Variants in ARLN observed in about 807,000 individuals in gnomAD.
ARLN encodes allregulin.
the ARLN span, chr4:119,300,750 C>T: frequency 4.7e-6 from 7 of 1,499,810 alleles, no homozygotes; most frequent in Non-Finnish European, 6.2e-6. Flanking sequence ...TGAAGCGCGG[C>T]CTCCGCCTTG....
At chr4:119,296,518 C>T in the ARLN span, 16 of 152,178 alleles carry the variant, frequency 1.1e-4, no homozygotes, top group East Asian at 2.9e-3. Context: ...CCAGGAAAGC[C>T]AATGGTGTAG....
At chr4:119,300,734 C>G in the ARLN span, 3 of 1,515,826 alleles carry the variant, frequency 2.0e-6, no homozygotes, top group Non-Finnish European at 2.6e-6. Flanking sequence ...TCCGTGACCG[C>G]TGGCATGAAG....
the ARLN span, among the ~76,000 whole-genome samples, chr4:119,301,290 G>A: frequency 5.9e-5 from 9 of 151,374 alleles, no homozygotes; most frequent in Admixed American, 1.3e-4. Flanking sequence ...CGGGCGTGGT[G>A]GCAGGCGCCT....
the ARLN span, among the ~76,000 whole-genome samples, chr4:119,301,241 TAAAAA>T: frequency 4.0e-5 from 4 of 100,396 alleles, no homozygotes; most frequent in Admixed American, 1.1e-4. Context: ...CCGTCTCTAC[TAAAAA>T]AAAAAAAAAA....
the ARLN span, among the ~76,000 whole-genome samples, chr4:119,303,168 G>C: frequency 6.6e-6 from 1 of 151,274 alleles, no homozygotes; most frequent in Non-Finnish European, 1.5e-5. Flanking sequence ...GGTACCACAG[G>C]TTATTTCTCC....
the ARLN span, chr4:119,301,047 C>G: frequency 5.5e-6 from 2 of 362,292 alleles, no homozygotes; most frequent in African/African-American, 4.1e-5. Flanking sequence ...ACGTCCTACT[C>G]ACGGGACTGA....
the ARLN span, chr4:119,300,490 C>T: frequency 1.9e-6 from 3 of 1,614,018 alleles, no homozygotes; most frequent in African/African-American, 4.0e-5. Flanking sequence ...CCTCGCCGCT[C>T]CCGGAGACCA....
chr4:119,300,189 T>TC, the ARLN span: 2 of 681,402 alleles, frequency 2.9e-6, no homozygotes, highest in Non-Finnish European at 5.1e-6. Flanking sequence ...CTAGTCCTTC[T>TC]CCCCCACCCA....
chr4:119,300,341 C>CA, the ARLN span: 59 of 1,606,606 alleles, frequency 3.7e-5, no homozygotes, highest in African/African-American at 5.4e-5. Flanking sequence ...CTCACCATGG[C>CA]AAAAAATACA....
chr4:119,298,897 A>G, the ARLN span: 1 of 617,836 alleles, frequency 1.6e-6, no homozygotes, highest in Non-Finnish European at 3.0e-6. Context: ...TAAGGCCTCT[A>G]TTTTCTATCC....
At chr4:119,303,204 A>AT in the ARLN span, among the ~76,000 whole-genome samples, 1 of 135,994 alleles carries the variant, frequency 7.4e-6, no homozygotes, top group African/African-American at 2.7e-5. Flanking sequence ...TTATTTATTC[A>AT]TTTTGTTGTT....
At chr4:119,302,117 G>A in the ARLN span, among the ~76,000 whole-genome samples, 1 of 152,164 alleles carries the variant, frequency 6.6e-6, no homozygotes, top group Admixed American at 6.5e-5. Flanking sequence ...TGACAAGGTA[G>A]GATCAATTAC....
the ARLN span, among the ~76,000 whole-genome samples, chr4:119,302,075 G>A: frequency 6.6e-6 from 1 of 152,186 alleles, no homozygotes; most frequent in South Asian, 2.1e-4. Context: ...ATAAACAATT[G>A]CCTCTACCAG....
the ARLN span, among the ~76,000 whole-genome samples, chr4:119,301,677 T>C: frequency 6.6e-6 from 1 of 152,196 alleles, no homozygotes; most frequent in South Asian, 2.1e-4. Flanking sequence ...GTTGTGTTTT[T>C]ACAAAGTCAT....
At chr4:119,300,457 T>C in the ARLN span, 1 of 1,614,106 alleles carries the variant, frequency 6.2e-7, no homozygotes, top group Non-Finnish European at 8.5e-7. Flanking sequence ...ACATCGAAGT[T>C]CTGCCTCCCT....
At chr4:119,300,674 T>G in the ARLN span, 1 of 1,545,398 alleles carries the variant, frequency 6.5e-7, no homozygotes, top group Non-Finnish European at 8.7e-7. Context: ...GAATGCACTC[T>G]GAACCTACTC....
chr4:119,300,732 C>G, the ARLN span: 2 of 1,516,306 alleles, frequency 1.3e-6, no homozygotes, highest in African/African-American at 1.4e-5. Flanking sequence ...CCTCCGTGAC[C>G]GCTGGCATGA....
the ARLN span, among the ~76,000 whole-genome samples, chr4:119,302,931 C>T: frequency 2.0e-5 from 3 of 152,242 alleles, no homozygotes; most frequent in South Asian, 4.1e-4. Context: ...GCAAATTTTT[C>T]GTATGCAGCT....
chr4:119,301,429 G>A, the ARLN span, among the ~76,000 whole-genome samples: 1 of 151,690 alleles, frequency 6.6e-6, no homozygotes, highest in Non-Finnish European at 1.5e-5. Context: ...TCCATCTGGG[G>A]GGAAATGGGG....
Sources: gnomAD v4.1 joint callset for allele counts (sites outside exome capture counted in the v4.1 genomes callset) on GRCh38, gnomAD v4.1.1 for gene constraint, MANE v1.5 for transcripts, NCBI Gene and HGNC (gene_info 2026-07-23, HGNC 2026-07-21) for gene names.